The following ERCC6L2 variants were observed in gnomAD, a reference collection of about 807,000 sequenced individuals.
The protein encoded by ERCC6L2 is DNA excision repair protein ERCC-6-like 2.
Under a neutral mutation model 132.0 loss-of-function variants are expected in ERCC6L2, and 77 were observed. That is an observed-to-expected ratio of 0.58 (90% CI 0.49 to 0.71). The LOEUF is 0.71. Ranked by LOEUF, ERCC6L2 falls within the 30% of genes least tolerant of loss-of-function variation. The probability of loss-of-function intolerance (pLI) is 0.00; values close to 1 mark genes in which losing one functional copy is unlikely to be tolerated. For synonymous variants in ERCC6L2, 583 were observed against 632.4 expected (o/e 0.92, Z 1.17); for missense variants, 1,542 against 1,837.6 (o/e 0.84, Z 2.94).
chr9:95,881,429 CTAGA>C (rs1396973659), intron 2 of ERCC6L2, 136 bp downstream of exon 2: 14 of 604,176 alleles, frequency 2.3e-5, no homozygotes, highest in Non-Finnish European at 3.6e-5. Context: ...GTCTCACTAA[CTAGA>C]TAGTGAAGTC....
At position 95,881,197 on chromosome 9, in the gene ERCC6L2, C is replaced by G. The variant is rs61746533; in HGVS notation, c.375C>G (p.Asp125Glu). ...IPYTINRYLRDYQREGTRFLY... is the reference protein window; with the variant it reads ...IPYTINRYLREYQREGTRFLY... Reference sequence around the variant, plus strand: ...ATACCATCAATAGGTATTTGAGAGACTACCAAAGAGAAGGAACCCGGTTTC... The same window carrying G: ...ATACCATCAATAGGTATTTGAGAGAGTACCAAAGAGAAGGAACCCGGTTTC... Residue 125 changes from aspartate (D) to glutamate (E), a missense_variant, in exon 2 of 19, where the codon GAC (aspartate) becomes GAG (glutamate). Coordinates refer to ENST00000653738, the MANE Select transcript of ERCC6L2 (RefSeq NM_020207.7). The G allele has an allele frequency of 5.1e-4, 818 of 1,609,438 alleles. 3 individuals are homozygous for G. The African/African-American group carries it at 0.01, about 20-fold the overall frequency.
intron 20 of ERCC6L2, among the ~76,000 whole-genome samples, chr9:96,040,671 G>A (rs961080383): frequency 2.0e-5 from 3 of 152,232 alleles, no homozygotes; most frequent in African/African-American, 4.8e-5. Context: ...TCTTATGTCC[G>A]TATGCGTGGC....
At position 95,902,580 on chromosome 9, in the gene ERCC6L2, T is replaced by C. The variant is rs1040613567; in HGVS notation, c.595-4498T>C. ...GCAATAATAACTGTAGGATAAATTCTTAGTACTGGAATTGGATAGCAGGTA... is the reference window on the plus strand; with the variant it reads ...GCAATAATAACTGTAGGATAAATTCCTAGTACTGGAATTGGATAGCAGGTA... On this transcript the variant is annotated intron_variant, in intron 3 of 18. Coordinates refer to ENST00000653738, the MANE Select transcript of ERCC6L2 (RefSeq NM_020207.7). 2.0e-5 allele frequency among the ~76,000 whole-genome samples: 3 copies of C among 152,154 alleles called. No individual in the cohort carries two copies. The South Asian group carries it at 6.2e-4, about 31-fold the overall frequency.
chr9:95,883,344 C>T (rs1433606541), intron 2 of ERCC6L2, among the ~76,000 whole-genome samples: 1 of 152,184 alleles, frequency 6.6e-6, no homozygotes, highest in Non-Finnish European at 1.5e-5. Context: ...CGTGTTGTCT[C>T]AGTGATTGGC....
intron 17 of ERCC6L2, among the ~76,000 whole-genome samples, chr9:96,003,136 T>A (rs1485477481): frequency 6.6e-6 from 1 of 152,232 alleles, no homozygotes; most frequent in Admixed American, 6.5e-5. Flanking sequence ...TTTTTCAGAT[T>A]GCTTTATTAT....
intron 17 of ERCC6L2, among the ~76,000 whole-genome samples, chr9:95,999,010 T>C (rs896858584): frequency 6.6e-6 from 1 of 152,186 alleles, no homozygotes; most frequent in African/African-American, 2.4e-5. Flanking sequence ...AATGGAAATA[T>C]GAAACTAGAT....
At position 95,907,417 on chromosome 9, in the gene ERCC6L2, C is replaced by G. The variant is rs552045591; in HGVS notation, c.788+146C>G. Reference sequence around the variant, plus strand: ...ACGGAGTTTCGCCACGTTGCCCAGGCTGGTCTCGAACTCCTGAGCTCAGGC... The same window carrying G: ...ACGGAGTTTCGCCACGTTGCCCAGGGTGGTCTCGAACTCCTGAGCTCAGGC... On this transcript the variant is annotated intron_variant, in intron 4 of 18. Transcript: ENST00000653738. 8.3e-5 allele frequency: 51 copies of G among 615,826 alleles called. No homozygotes were observed. The East Asian group carries it at 1.7e-3, about 21-fold the overall frequency. The allele number at this position is 615,826 out of a possible 1,614,324, so 38.1% of individuals were successfully genotyped here.
chr9:95,896,238 C>T (rs1442200256), intron 2 of ERCC6L2, among the ~76,000 whole-genome samples: 1 of 151,940 alleles, frequency 6.6e-6, no homozygotes, highest in Non-Finnish European at 1.5e-5. Context: ...TTTTGGTTGT[C>T]TGAAAATCTT....
chr9:95,963,785 G>T (rs910660461), intron 13 of ERCC6L2, among the ~76,000 whole-genome samples: 1 of 152,010 alleles, frequency 6.6e-6, no homozygotes, highest in Non-Finnish European at 1.5e-5. Context: ...ATGTCCTTCA[G>T]TCTAGGTCCA....
intron 17 of ERCC6L2, among the ~76,000 whole-genome samples, chr9:95,981,694 A>G (rs904217449): frequency 1.3e-5 from 2 of 152,188 alleles, no homozygotes; most frequent in Non-Finnish European, 2.9e-5. Flanking sequence ...TAATACCTTT[A>G]TTAGAGTTCA....
At chr9:95,989,511 G>A (rs949937330) in intron 17 of ERCC6L2, among the ~76,000 whole-genome samples, 6 of 152,232 alleles carry the variant, frequency 3.9e-5, no homozygotes, top group Non-Finnish European at 5.9e-5. Context: ...CATACAGCAA[G>A]CATTTATTGA....
rs780542035 is a variant in ERCC6L2, at chr9:96,000,805, C to T, written c.3493-3715C>T. ...CTATAAAATAATAGAAAAATTAGCTCGGCCTGTGGGCTCGTGCTTTGTATG... is the reference window on the plus strand; with the variant it reads ...CTATAAAATAATAGAAAAATTAGCTTGGCCTGTGGGCTCGTGCTTTGTATG... On this transcript the variant is annotated intron_variant, in intron 17 of 18. Coordinates refer to ENST00000653738, the MANE Select transcript of ERCC6L2 (RefSeq NM_020207.7). Among the ~76,000 whole-genome samples the T allele has an allele frequency of 1.2e-4, 19 of 152,156 alleles. No homozygotes were observed. The East Asian group carries it at 1.3e-3, about 11-fold the overall frequency.
intron 18 of ERCC6L2, among the ~76,000 whole-genome samples, chr9:96,006,010 CAA>C (rs933473105): frequency 1.9e-4 from 29 of 152,048 alleles, no homozygotes; most frequent in African/African-American, 5.1e-4. Flanking sequence ...CAGAGAGAAA[CAA>C]GAGAGGAAAA....
chr9:95,958,590 A>C (rs1587978456), intron 13 of ERCC6L2, among the ~76,000 whole-genome samples: 1 of 152,190 alleles, frequency 6.6e-6, no homozygotes, highest in Non-Finnish European at 1.5e-5. Context: ...TTTGATTTGC[A>C]TTTCTCTGAT....
chr9:96,004,141 A>C (rs539545700), intron 17 of ERCC6L2, among the ~76,000 whole-genome samples: 10 of 152,240 alleles, frequency 6.6e-5, no homozygotes, highest in Non-Finnish European at 1.5e-4. Flanking sequence ...CAACTGAAAG[A>C]CTGCTTAATA....
At chr9:96,000,896 A>AATGAAGCCGTG (rs1833647435) in intron 17 of ERCC6L2, among the ~76,000 whole-genome samples, 1 of 152,174 alleles carries the variant, frequency 6.6e-6, no homozygotes, top group Non-Finnish European at 1.5e-5. Flanking sequence ...TGACTTCAAG[A>AATGAAGCCGTG]ATGAAGCCGT....
At position 95,941,478 on chromosome 9, in the gene ERCC6L2, T is replaced by C; in HGVS notation, c.1776T>C (p.Phe592=). The change falls in exon 12 of 19, where the codon TTT becomes TTC. Residue 592 remains phenylalanine (F), a synonymous_variant. Transcript: ENST00000653738. ...GGGCTGGTGGACTAGGCCTCAATTT[T>C]GTCGGTGCCAATGTTGTTGTATTAT... The part of the protein sequence containing the change: ...STMAGGLGLN[F]VGANVVVLFD... 1.2e-6 allele frequency: 2 copies of C among 1,613,260 alleles called. No individual in the cohort carries two copies. The highest frequency in any genetic ancestry group is 1.7e-6 in the Non-Finnish European group (2 of 1,179,586).
intron 11 of ERCC6L2, among the ~76,000 whole-genome samples, chr9:95,937,688 CTT>C (rs1830616868): frequency 6.6e-6 from 1 of 151,190 alleles, no homozygotes; most frequent in Non-Finnish European, 1.5e-5. Context: ...GGTGATATCC[CTT>C]GTTTCATTTC....
At chr9:95,883,212 G>A (rs1827687915) in intron 2 of ERCC6L2, among the ~76,000 whole-genome samples, 1 of 152,044 alleles carries the variant, frequency 6.6e-6, no homozygotes, top group Admixed American at 6.5e-5. Context: ...CCAACTTCCT[G>A]TTTTCCCATA....
Sources: gnomAD v4.1 joint callset for allele counts (sites outside exome capture counted in the v4.1 genomes callset) on GRCh38, gnomAD v4.1.1 for gene constraint, MANE v1.5 for transcripts, NCBI Gene and HGNC (gene_info 2026-07-23, HGNC 2026-07-21) for gene names.